SUPT3H: variants seen among roughly 807,000 people sequenced by gnomAD.
SUPT3H encodes the protein SPT3 homolog, SAGA and STAGA complex component, also known as transcription initiation protein SPT3 homolog.
A neutral mutation model predicts 44.3 loss-of-function variants in SUPT3H; 44 were observed. The ratio of observed to expected loss-of-function variants is 0.99; its 90% CI spans 0.78 to 1.28. The LOEUF (loss-of-function observed/expected upper bound fraction) is 1.28, where lower values mean the gene tolerates loss of function less well. Ranked by LOEUF, SUPT3H falls within the 50% of genes most tolerant of loss-of-function variation. The pLI is 0.00. For missense variants in SUPT3H, 380 were observed against 387.1 expected (o/e 0.98, Z 0.15); for synonymous variants, 124 against 125.6 (o/e 0.99, Z 0.09).
At chr6:45,286,790 C>T (rs1307070611) in intron 2 of SUPT3H, among the ~76,000 whole-genome samples, 5 of 152,190 alleles carry the variant, frequency 3.3e-5, no homozygotes, top group African/African-American at 1.2e-4. Flanking sequence ...GACACATGCA[C>T]ACGTATGTTT....
rs1360607816 is a variant in SUPT3H, at chr6:45,288,613, GTA to G, written c.101+76586_101+76587del. On this transcript the variant is annotated intron_variant, in intron 2 of 10. Transcript: ENST00000371459. ...TATATATATGTGTATATATATATAT[GTA>G]TATATATATATATATATATAGCAAA... Among the ~76,000 whole-genome samples, 463 of 59,068 alleles carry G rather than the reference GTA, an allele frequency of 7.8e-3. 14 individuals are homozygous for G. The highest frequency in any genetic ancestry group is 0.022 in the African/African-American group (339 of 15,440). The allele number at this position is 59,068 out of a possible 152,430, so 38.8% of individuals were successfully genotyped here.
intron 2 of SUPT3H, among the ~76,000 whole-genome samples, chr6:45,289,927 G>C (rs1050149991): frequency 2.0e-5 from 3 of 152,170 alleles, no homozygotes; most frequent in South Asian, 4.1e-4. Flanking sequence ...CACACCTATA[G>C]TCACCTAGCA....
At chr6:45,305,126 T>C (rs1404498627) in intron 2 of SUPT3H, among the ~76,000 whole-genome samples, 3 of 152,220 alleles carry the variant, frequency 2.0e-5, no homozygotes, top group Non-Finnish European at 4.4e-5. Flanking sequence ...TAATTATAGT[T>C]TGTAGAACTT....
intron 2 of SUPT3H, among the ~76,000 whole-genome samples, chr6:45,284,146 G>C (rs1195410163): frequency 6.6e-6 from 1 of 152,148 alleles, no homozygotes; most frequent in Non-Finnish European, 1.5e-5. Context: ...AAGCAGGAAA[G>C]ATCTAAAATT....
intron 7 of SUPT3H, among the ~76,000 whole-genome samples, chr6:44,955,846 C>T (rs112601878): frequency 4.5e-4 from 69 of 152,214 alleles, no homozygotes; most frequent in African/African-American, 1.6e-3. Flanking sequence ...GTAGGCTGGG[C>T]GCGGTGGCTC....
chr6:45,243,873 T>G (rs1374577217), intron 2 of SUPT3H, among the ~76,000 whole-genome samples: 3 of 152,246 alleles, frequency 2.0e-5, no homozygotes, highest in Non-Finnish European at 2.9e-5. Context: ...TATTTTTAAT[T>G]TACTATTTGT....
intron 2 of SUPT3H, among the ~76,000 whole-genome samples, chr6:45,148,349 C>A (rs779431257): frequency 3.3e-5 from 5 of 152,086 alleles, no homozygotes; most frequent in Non-Finnish European, 7.4e-5. Context: ...AAGTAATGTG[C>A]AAAGCTAACT....
intron 9 of SUPT3H, among the ~76,000 whole-genome samples, chr6:44,949,727 C>T (rs1289110336): frequency 6.6e-6 from 1 of 151,974 alleles, no homozygotes; most frequent in Non-Finnish European, 1.5e-5. Context: ...GAGAAATACA[C>T]ACTTAAACTG....
At chr6:45,287,614 G>C (rs1242093783) in intron 2 of SUPT3H, among the ~76,000 whole-genome samples, 1 of 152,120 alleles carries the variant, frequency 6.6e-6, no homozygotes, top group Admixed American at 6.6e-5. Flanking sequence ...GGGAGGATGG[G>C]GGAAGGAGCA....
intron 2 of SUPT3H, among the ~76,000 whole-genome samples, chr6:45,180,560 A>G (rs753083296): frequency 0.016 from 2,403 of 149,556 alleles, 39 homozygotes; most frequent in South Asian, 0.076. Context: ...CAGAAATAAC[A>G]CCGCATATCT....
At chr6:45,327,285 C>T (rs867816768) in intron 2 of SUPT3H, among the ~76,000 whole-genome samples, 6 of 151,888 alleles carry the variant, frequency 4.0e-5, no homozygotes, top group Admixed American at 1.3e-4. Flanking sequence ...CAAAAAAATA[C>T]ATAGCTTCTG....
At chr6:45,304,972 ATCT>A (rs1177354142) in intron 2 of SUPT3H, among the ~76,000 whole-genome samples, 1 of 152,216 alleles carries the variant, frequency 6.6e-6, no homozygotes, top group African/African-American at 2.4e-5. Context: ...CCATGGCCTG[ATCT>A]TCTTTTTGAA....
At chr6:45,202,920 A>G (rs936531947) in intron 2 of SUPT3H, among the ~76,000 whole-genome samples, 4 of 151,844 alleles carry the variant, frequency 2.6e-5, no homozygotes, top group East Asian at 1.9e-4. Flanking sequence ...GTGTGTGTGT[A>G]TATATATATA....
chr6:44,968,792 A>G (rs955281616), intron 6 of SUPT3H, among the ~76,000 whole-genome samples: 1 of 152,190 alleles, frequency 6.6e-6, no homozygotes, highest in Non-Finnish European at 1.5e-5. Context: ...TCTCTGACTC[A>G]TAAACAAATG....
rs1400705531 is a variant in SUPT3H, at chr6:45,121,617, A to G, written c.102-15611T>C. Reference sequence around the variant, plus strand: ...TAACCTGTTCATAATGCAGTATTCAATTCTTCACTAAACTCACATAACTCA... The same window carrying G: ...TAACCTGTTCATAATGCAGTATTCAGTTCTTCACTAAACTCACATAACTCA... On this transcript the variant is annotated intron_variant, in intron 2 of 10. Transcript: ENST00000371459. Among the ~76,000 whole-genome samples, 3 of 152,064 alleles carry G rather than the reference A, an allele frequency of 2.0e-5. No individual in the cohort carries two copies. The East Asian group carries it at 5.8e-4, about 29-fold the overall frequency.
intron 3 of SUPT3H, among the ~76,000 whole-genome samples, chr6:45,052,387 G>A (rs1346074159): frequency 6.6e-6 from 1 of 152,180 alleles, no homozygotes; most frequent in Admixed American, 6.5e-5. Flanking sequence ...GCTAAGGACT[G>A]TTGCAGATAC....
intron 2 of SUPT3H, among the ~76,000 whole-genome samples, chr6:45,188,290 T>C (rs1316009399): frequency 6.6e-6 from 1 of 152,254 alleles, no homozygotes; most frequent in African/African-American, 2.4e-5. Flanking sequence ...AGAAATCTTA[T>C]GCTGAGATTG....
intron 6 of SUPT3H, among the ~76,000 whole-genome samples, chr6:44,984,972 T>C (rs751333978): frequency 2.3e-5 from 3 of 130,200 alleles, no homozygotes; most frequent in South Asian, 2.5e-4. Context: ...ACAAGCTTGA[T>C]GAAAGAGTTT....
intron 6 of SUPT3H, among the ~76,000 whole-genome samples, chr6:44,991,667 AG>A (rs1362746737): frequency 6.6e-6 from 1 of 152,130 alleles, no homozygotes; most frequent in Admixed American, 6.6e-5. Context: ...ACAATGATAT[AG>A]AAAAAAATCG....
Sources: gnomAD v4.1 joint callset for allele counts (sites outside exome capture counted in the v4.1 genomes callset) on GRCh38, gnomAD v4.1.1 for gene constraint, MANE v1.5 for transcripts, NCBI Gene and HGNC (gene_info 2026-07-23, HGNC 2026-07-21) for gene names.